ATP2C1: variants seen among roughly 807,000 people sequenced by gnomAD.
ATP2C1 encodes the protein calcium-transporting ATPase type 2C member 1.
A neutral mutation model predicts 120.5 loss-of-function variants in ATP2C1; 31 were observed. The ratio of observed to expected loss-of-function variants is 0.26; its 90% confidence interval spans 0.19 to 0.35. ATP2C1 has a LOEUF of 0.35. Ranked by LOEUF, ATP2C1 falls within the 10% of genes least tolerant of loss-of-function variation. The probability of loss-of-function intolerance (pLI) is 1.00; values close to 1 mark genes in which losing one functional copy is unlikely to be tolerated. For missense variants in ATP2C1, 731 were observed against 1,107.5 expected, an observed-to-expected ratio of 0.66 and a Z score of 4.83; for synonymous variants, 351 against 358.7, an observed-to-expected ratio of 0.98 and a Z score of 0.24.
chr3:130,878,623 T>G (rs1329110884), intron 1 of ATP2C1, among the ~76,000 whole-genome samples: 1 of 152,222 alleles, frequency 6.6e-6, no homozygotes, highest in Non-Finnish European at 1.5e-5. Context: ...ACTTTATTTC[T>G]CCTTCATTTC....
chr3:130,997,460 T>TA, intron 24 of ATP2C1, 146 bp from the exon 25 acceptor site: 1 of 719,438 alleles, frequency 1.4e-6, no homozygotes, highest in Non-Finnish European at 2.3e-6. Context: ...TATTTTTGCG[T>TA]AATCAGCCAG....
At chr3:130,897,277 G>A (rs1226851083) in intron 2 of ATP2C1, among the ~76,000 whole-genome samples, 1 of 152,072 alleles carries the variant, frequency 6.6e-6, no homozygotes, top group African/African-American at 2.4e-5. Flanking sequence ...AAGAAGCCAG[G>A]GTCCAGTACA....
Position 130,894,600 on chromosome 3 carries a change from T to C in ATP2C1, c.-170T>C. On this transcript the variant is annotated 5_prime_UTR_variant, in exon 2 of 28. Coordinates refer to ENST00000510168, the MANE Select transcript of ATP2C1 (RefSeq NM_001378687.1). The surrounding 1 kb of genome is among the most constrained non-coding windows in gnomAD (Gnocchi z 4.5). The stretch of plus-strand genomic sequence containing the variant: ...TGGTTTCTCTTGCAGATGCTGCTGC[T>C]AGGGGTGGTGGGAGCAGCCGTGGGA... 1 of 1,542,454 alleles carries C rather than the reference T, an allele frequency of 6.5e-7. No homozygotes were observed.
chr3:130,930,564 A>G (rs748537271), intron 3 of ATP2C1, 38 bp downstream of exon 3: 2 of 1,267,766 alleles, frequency 1.6e-6, no homozygotes, highest in East Asian at 4.6e-5. Flanking sequence ...TAGATGGTGT[A>G]AAGTCAGTCA....
Position 130,894,558 on chromosome 3 carries a change from G to T in ATP2C1, c.-180-32G>T, listed in dbSNP as rs914539909. ...CGGGGAACTCCTTCCTCAGCCTCTC[G>T]TCAGCGCCGCTTCTCCTGGTTTCTC... On this transcript the variant is annotated intron_variant, in intron 1 of 27. Coordinates refer to ENST00000510168, the MANE Select transcript of ATP2C1 (RefSeq NM_001378687.1). This position sits in a 1 kb window ranked among gnomAD's most constrained non-coding sequence, Gnocchi z 4.5. The T allele has an allele frequency of 2.7e-5, 38 of 1,424,718 alleles. No homozygotes were observed. In the Admixed American group the frequency reaches 4.5e-4, roughly 17 times the overall value. 88.3% of individuals were successfully genotyped at this position (1,424,718 alleles called of 1,614,324 possible).
intron 2 of ATP2C1, among the ~76,000 whole-genome samples, chr3:130,913,727 T>C (rs1023433276): frequency 3.3e-5 from 5 of 152,214 alleles, no homozygotes; most frequent in Admixed American, 2.6e-4. Flanking sequence ...AAATCTAGTC[T>C]CACTATACTA....
chr3:130,982,056 A>G (rs992779387), intron 20 of ATP2C1, among the ~76,000 whole-genome samples: 3 of 152,038 alleles, frequency 2.0e-5, no homozygotes, highest in Non-Finnish European at 4.4e-5. Flanking sequence ...TTCTTCTTTT[A>G]TGGACTATGC....
At chr3:130,883,945 C>CTTTTTTTTTTTTTTTTT (rs35365168) in intron 1 of ATP2C1, among the ~76,000 whole-genome samples, 9 of 122,434 alleles carry the variant, frequency 7.4e-5, no homozygotes, top group Non-Finnish European at 1.2e-4. Flanking sequence ...TTCTTTTCTT[C>CTTTTTTTTTTTTTTTTT]TTTTTTTTTT....
chr3:130,855,704 G>T (rs1248653570), intron 1 of ATP2C1, among the ~76,000 whole-genome samples: 1 of 152,156 alleles, frequency 6.6e-6, no homozygotes, highest in Non-Finnish European at 1.5e-5. Context: ...TACAGGATGG[G>T]TCCAGAGAAT....
At chr3:130,930,169 A>G (rs985455642) in intron 2 of ATP2C1, 1 of 478,614 alleles carries the variant, frequency 2.1e-6, no homozygotes, top group African/African-American at 2.0e-5. Flanking sequence ...CGTGCTTTTC[A>G]TTCAATGTGA....
intron 2 of ATP2C1, among the ~76,000 whole-genome samples, chr3:130,920,633 T>A (rs1027426574): frequency 1.3e-5 from 2 of 152,180 alleles, no homozygotes; most frequent in Admixed American, 1.3e-4. Flanking sequence ...AGCTTTGTTC[T>A]TTTACAAGAT....
intron 2 of ATP2C1, among the ~76,000 whole-genome samples, chr3:130,902,297 G>GTTTTTTTTT (rs398052267): frequency 8.3e-4 from 11 of 13,254 alleles, no homozygotes; most frequent in African/African-American, 2.1e-3. Flanking sequence ...TTTTTTTTTT[G>GTTTTTTTTT]TTTTTTTTTT....
chr3:130,973,113 TG>T (rs2061403364), intron 17 of ATP2C1, among the ~76,000 whole-genome samples: 1 of 151,706 alleles, frequency 6.6e-6, no homozygotes, highest in South Asian at 2.1e-4. Context: ...TACCCCATAG[TG>T]GTAATAGGAA....
intron 2 of ATP2C1, among the ~76,000 whole-genome samples, chr3:130,922,738 A>G (rs1288531715): frequency 6.6e-6 from 1 of 152,180 alleles, no homozygotes; most frequent in African/African-American, 2.4e-5. Context: ...AGAGAAGATT[A>G]TTTAATTTCT....
rs2062932036 is a variant in ATP2C1, at chr3:131,002,371, G to C, written c.*1021G>C. The C allele has an allele frequency of 1.0e-6, 1 of 985,356 alleles. No homozygotes were observed. The highest frequency in any genetic ancestry group is 1.1e-4 in the East Asian group (1 of 8,818). The allele number at this position is 985,356 out of a possible 1,614,324, so 61.0% of individuals were successfully genotyped here. A position where few individuals can be genotyped will look rare whatever the true frequency, so the allele number is the denominator to read the frequency against. ...CCCCAAACCCAAACAAATGGTTTAT[G>C]AACCAGAGTATATGTGGAAGATTCT... On this transcript the variant is annotated 3_prime_UTR_variant, in exon 28 of 28. Coordinates refer to ENST00000510168, the MANE Select transcript of ATP2C1 (RefSeq NM_001378687.1).
chr3:130,955,125 A>T (rs759437504), intron 10 of ATP2C1, 45 bp downstream of exon 10: 1 of 1,288,086 alleles, frequency 7.8e-7, no homozygotes, highest in South Asian at 1.2e-5. Flanking sequence ...CAAATCTGAA[A>T]TTCTTCATTG....
chr3:130,918,074 T>TC (rs1282777991), intron 2 of ATP2C1, among the ~76,000 whole-genome samples: 1 of 152,236 alleles, frequency 6.6e-6, no homozygotes, highest in Admixed American at 6.5e-5. Flanking sequence ...AGTGCTCCCT[T>TC]CCTACGAGTT....
intron 18 of ATP2C1, among the ~76,000 whole-genome samples, chr3:130,978,137 C>T (rs892480875): frequency 1.3e-5 from 2 of 152,166 alleles, no homozygotes; most frequent in Non-Finnish European, 2.9e-5. Flanking sequence ...CTTCTGTTAC[C>T]ATCAGCCTCT....
intron 1 of ATP2C1, among the ~76,000 whole-genome samples, chr3:130,884,761 T>C (rs369524798): frequency 1.2e-4 from 18 of 152,186 alleles, no homozygotes; most frequent in African/African-American, 4.3e-4. Flanking sequence ...ATGACCTTCT[T>C]TGTCTCTTCT....
Sources: allele counts gnomAD v4.1 joint callset (sites outside exome capture counted in the v4.1 genomes callset), GRCh38; gene constraint gnomAD v4.1.1; non-coding constraint Gnocchi (gnomAD v3.1); transcripts MANE v1.5; gene names NCBI Gene and HGNC (gene_info 2026-07-23, HGNC 2026-07-21).